Variants in ASXL3 observed in about 807,000 individuals in gnomAD.
The protein encoded by ASXL3 is putative Polycomb group protein ASXL3.
Under a neutral mutation model 170.6 loss-of-function variants are expected in ASXL3, and 34 were observed. The ratio of observed to expected loss-of-function variants is 0.20; its 90% CI spans 0.15 to 0.27. The LOEUF (loss-of-function observed/expected upper bound fraction) is 0.27, where lower values mean the gene tolerates loss of function less well. Among genes scored for constraint, ASXL3 ranks in the 10% least tolerant of loss-of-function variants. ASXL3 has a pLI of 1.00. For missense variants in ASXL3, 2,592 were observed against 2,695.3 expected, an observed-to-expected ratio of 0.96 and a Z score of 0.85; for synonymous variants, 1,002 against 989.1, an observed-to-expected ratio of 1.01 and a Z score of -0.24.
At chr18:33,601,269 CT>C (rs551556792) in intron 1 of ASXL3, among the ~76,000 whole-genome samples, 8 of 147,836 alleles carry the variant, frequency 5.4e-5, no homozygotes, top group East Asian at 2.0e-4. Flanking sequence ...AAGGGGCCAG[CT>C]TTTTTTTTTC....
intron 2 of ASXL3, among the ~76,000 whole-genome samples, chr18:33,639,259 C>T (rs914536751): frequency 6.6e-6 from 1 of 152,080 alleles, no homozygotes; most frequent in Non-Finnish European, 1.5e-5. Flanking sequence ...TTATTATCCA[C>T]ATTTTAGAGT....
intron 1 of ASXL3, among the ~76,000 whole-genome samples, chr18:33,580,534 G>T (rs73955154): frequency 2.7e-3 from 418 of 152,210 alleles, no homozygotes; most frequent in African/African-American, 8.8e-3. Context: ...TGCCTGCAGA[G>T]AATTATTTAA....
intron 2 of ASXL3, among the ~76,000 whole-genome samples, chr18:33,631,530 G>A (rs1055954757): frequency 2.0e-5 from 3 of 151,976 alleles, no homozygotes; most frequent in Admixed American, 1.3e-4. Flanking sequence ...AATTAATAAT[G>A]CCACTCTACA....
Position 33,661,649 on chromosome 18 carries a change from C to G in ASXL3, c.389C>G (p.Ser130Cys). Residue 130 changes from serine to cysteine, a missense_variant, in exon 5 of 12, where the codon TCC becomes TGC. Physicochemically the swap from Ser to Cys is moderately radical, Grantham distance 112 (BLOSUM62 -1). This residue lies in a region of ASXL3 where 251 missense variants were observed against 281.9 expected (regional missense o/e 0.89). Coordinates refer to ENST00000269197, the MANE Select transcript of ASXL3 (RefSeq NM_030632.3). ...AAGCAGGTAACTGATGAAGCATCTT[C>G]CACTCGAGATTCAAGCCTTACTAAC... Reference protein sequence around the residue: ...CSKQVTDEASSTRDSSLTNTA... With the variant: ...CSKQVTDEASCTRDSSLTNTA... The G allele has an allele frequency of 6.2e-7, 1 of 1,611,950 alleles. No individual in the cohort carries two copies. The highest frequency in any genetic ancestry group is 1.1e-5 in the South Asian group (1 of 90,818).
At chr18:33,596,785 T>C (rs2065131240) in intron 1 of ASXL3, among the ~76,000 whole-genome samples, 1 of 152,212 alleles carries the variant, frequency 6.6e-6, no homozygotes, top group Non-Finnish European at 1.5e-5. Context: ...GTTTTTGAGC[T>C]GACCTTCTTT....
intron 1 of ASXL3, among the ~76,000 whole-genome samples, chr18:33,595,546 T>G (rs1252190574): frequency 6.6e-6 from 1 of 152,188 alleles, no homozygotes; most frequent in Non-Finnish European, 1.5e-5. Flanking sequence ...GAGAGTTTAT[T>G]GGAAGACTCA....
chr18:33,664,097 T>C (rs2145238625), intron 5 of ASXL3, among the ~76,000 whole-genome samples: 1 of 152,272 alleles, frequency 6.6e-6, no homozygotes, highest in East Asian at 1.9e-4. Context: ...CTAGACACTG[T>C]ACTCTCCATT....
rs568221465 is a variant in ASXL3 at position 33,676,222 on chromosome 18, C to CAAAAA, written c.715+4377_715+4381dup. 3.3e-3 allele frequency among the ~76,000 whole-genome samples: 139 copies of CAAAAA among 41,722 alleles called. 13 individuals are homozygous for CAAAAA. Among genetic ancestry groups the CAAAAA allele is most frequent in the African/African-American group, 0.011 (114 of 10,256 alleles). 27.4% of individuals were successfully genotyped at this position (41,722 alleles called of 152,430 possible). A position where few individuals can be genotyped will look rare whatever the true frequency, so the allele number is the denominator to read the frequency against. ...CTGGGTGACGAGCGAGACTCCGTCT[C>CAAAAA]AAAAAAAAAAAAAAAAAAAAAAAAA... On this transcript the variant is annotated intron_variant, in intron 7 of 11. Transcript: ENST00000269197.
chr18:33,683,023 C>A (rs2145284490), intron 7 of ASXL3, among the ~76,000 whole-genome samples: 1 of 152,278 alleles, frequency 6.6e-6, no homozygotes, highest in East Asian at 1.9e-4. Flanking sequence ...TTTCTGTTAT[C>A]ATTAGCCTTA....
intron 1 of ASXL3, among the ~76,000 whole-genome samples, chr18:33,607,027 A>C (rs1245103291): frequency 6.6e-6 from 1 of 151,996 alleles, no homozygotes; most frequent in Non-Finnish European, 1.5e-5. Flanking sequence ...AAATCGGAAG[A>C]GGAAAGGGCT....
intron 2 of ASXL3, among the ~76,000 whole-genome samples, chr18:33,639,088 C>T (rs2065810693): frequency 6.6e-6 from 1 of 152,040 alleles, no homozygotes; most frequent in Non-Finnish European, 1.5e-5. Flanking sequence ...ATTTGTCATT[C>T]TTTTTACATT....
intron 7 of ASXL3, among the ~76,000 whole-genome samples, chr18:33,678,617 A>G (rs1409396988): frequency 6.6e-6 from 1 of 152,242 alleles, no homozygotes; most frequent in African/African-American, 2.4e-5. Context: ...GGCTGTGGCA[A>G]CGTAGCAATT....
At chr18:33,630,592 AT>A (rs927434688) in intron 2 of ASXL3, among the ~76,000 whole-genome samples, 13 of 152,046 alleles carry the variant, frequency 8.6e-5, no homozygotes, top group Non-Finnish European at 1.5e-4. Flanking sequence ...TAAGTTAGTT[AT>A]TTTTAGACAT....
intron 1 of ASXL3, among the ~76,000 whole-genome samples, chr18:33,588,321 G>GA (rs2065050592): frequency 6.6e-6 from 1 of 150,874 alleles, no homozygotes; most frequent in Non-Finnish European, 1.5e-5. Context: ...GCAAGCAACA[G>GA]AACACAACTC....
intron 8 of ASXL3, among the ~76,000 whole-genome samples, chr18:33,698,168 G>A (rs2066805611): frequency 6.6e-6 from 1 of 152,060 alleles, no homozygotes; most frequent in Non-Finnish European, 1.5e-5. Context: ...TTGTGAATGG[G>A]ATTAAACCCT....
intron 8 of ASXL3, among the ~76,000 whole-genome samples, chr18:33,710,725 C>T (rs1041614872): frequency 3.3e-5 from 5 of 151,666 alleles, no homozygotes; most frequent in Non-Finnish European, 5.9e-5. Flanking sequence ...GAAGGTTAAC[C>T]GTTTTCACTT....
chr18:33,652,602 G>T (rs867859518), intron 4 of ASXL3, among the ~76,000 whole-genome samples: 1 of 31,576 alleles, frequency 3.2e-5, no homozygotes, highest in African/African-American at 1.5e-4. Context: ...TTCTGTTGGG[G>T]CAAAAAAAAA....
intron 8 of ASXL3, among the ~76,000 whole-genome samples, chr18:33,713,299 G>GGC (rs141079296): frequency 0.021 from 1,855 of 88,440 alleles, 28 homozygotes; most frequent in Non-Finnish European, 0.025. Flanking sequence ...CCGTCACCCA[G>GGC]GCTGGAGTGC....
At chr18:33,596,874 G>GGCAT (rs1271190446) in intron 1 of ASXL3, among the ~76,000 whole-genome samples, 1 of 152,084 alleles carries the variant, frequency 6.6e-6, no homozygotes, top group Non-Finnish European at 1.5e-5. Context: ...GGAGTGCAGT[G>GGCAT]GCATGATCTT....
Sources: allele counts gnomAD v4.1 joint callset (sites outside exome capture counted in the v4.1 genomes callset), GRCh38; gene constraint gnomAD v4.1.1; regional missense constraint gnomAD v4.1.1; transcripts MANE v1.5; gene names NCBI Gene and HGNC (gene_info 2026-07-23, HGNC 2026-07-21).